Variants in CCDC91 observed in about 807,000 individuals in gnomAD.
The protein encoded by CCDC91 is coiled-coil domain-containing protein 91.
Under a neutral mutation model 63.2 loss-of-function variants are expected in CCDC91, and 48 were observed. The ratio of observed to expected loss-of-function variants is 0.76; its 90% CI spans 0.60 to 0.97. The LOEUF (loss-of-function observed/expected upper bound fraction) is 0.97. Ranked by LOEUF, CCDC91 falls within the 50% of genes least tolerant of loss-of-function variation. The pLI is 0.00. For synonymous variants in CCDC91, 167 were observed against 165.8 expected (o/e 1.01, Z -0.06); for missense variants, 500 against 494.6 (o/e 1.01, Z -0.10).
intron 8 of CCDC91, among the ~76,000 whole-genome samples, chr12:28,442,985 G>A (rs1245246560): frequency 6.6e-6 from 1 of 151,914 alleles, no homozygotes; most frequent in Non-Finnish European, 1.5e-5. Context: ...GCTTTTATGA[G>A]GTAACATTGT....
chr12:28,496,931 CATATATATATACATATATAT>C (rs1334393078), intron 12 of CCDC91, among the ~76,000 whole-genome samples: 4 of 141,456 alleles, frequency 2.8e-5, no homozygotes, highest in African/African-American at 5.2e-5. Flanking sequence ...TATATATATA[CATATATATATACATATATAT>C]ATATATATAT....
chr12:28,326,476 T>C (rs1014830933), intron 6 of CCDC91, among the ~76,000 whole-genome samples: 9 of 151,420 alleles, frequency 5.9e-5, no homozygotes, highest in African/African-American at 1.9e-4. Flanking sequence ...TGTATACATG[T>C]GCCATGCTGG....
intron 1 of CCDC91, among the ~76,000 whole-genome samples, chr12:28,221,739 C>T (rs930352796): frequency 2.0e-5 from 3 of 152,206 alleles, no homozygotes; most frequent in African/African-American, 7.2e-5. Flanking sequence ...TATGTGTGAA[C>T]TCCAGATAAT....
At chr12:28,478,768 G>C (rs1223307412) in intron 11 of CCDC91, among the ~76,000 whole-genome samples, 2 of 151,704 alleles carry the variant, frequency 1.3e-5, no homozygotes, top group Non-Finnish European at 2.9e-5. Context: ...ATTTACAAGA[G>C]AAAATCAAAC....
intron 11 of CCDC91, among the ~76,000 whole-genome samples, chr12:28,465,879 G>A (rs1311728134): frequency 6.6e-6 from 1 of 152,100 alleles, no homozygotes; most frequent in Non-Finnish European, 1.5e-5. Flanking sequence ...CTTTCAGACA[G>A]GGAATTCAAA....
chr12:28,459,317 A>G (rs565119892), intron 11 of CCDC91, among the ~76,000 whole-genome samples: 10 of 152,260 alleles, frequency 6.6e-5, no homozygotes, highest in African/African-American at 2.4e-4. Context: ...ACCTGTTTCT[A>G]TGTCTTCTCC....
At chr12:28,486,154 C>G (rs1171510095) in intron 12 of CCDC91, among the ~76,000 whole-genome samples, 1 of 152,136 alleles carries the variant, frequency 6.6e-6, no homozygotes, top group African/African-American at 2.4e-5. Flanking sequence ...CTAACCCAAT[C>G]CCCTGGTATC....
intron 3 of CCDC91, among the ~76,000 whole-genome samples, chr12:28,293,418 A>C (rs1949364254): frequency 6.6e-6 from 1 of 152,204 alleles, no homozygotes; most frequent in Non-Finnish European, 1.5e-5. Flanking sequence ...GGGACTTTAA[A>C]GTAGTTTTGT....
intron 8 of CCDC91, among the ~76,000 whole-genome samples, chr12:28,397,810 G>A (rs1366372443): frequency 6.6e-6 from 1 of 151,984 alleles, no homozygotes; most frequent in Admixed American, 6.5e-5. Flanking sequence ...ACATAAGATA[G>A]AGACACTATC....
chr12:28,377,685 G>T (rs1183046802), intron 7 of CCDC91, among the ~76,000 whole-genome samples: 1 of 151,358 alleles, frequency 6.6e-6, no homozygotes, highest in Non-Finnish European at 1.5e-5. Context: ...CTGGTATTTT[G>T]TTTGCATGCA....
At chr12:28,198,083 A>G (rs1249871122) in intron 1 of CCDC91, among the ~76,000 whole-genome samples, 1 of 152,154 alleles carries the variant, frequency 6.6e-6, no homozygotes, top group Non-Finnish European at 1.5e-5. Flanking sequence ...TTCAACATGG[A>G]CTATGTGAAT....
chr12:28,461,019 A>G (rs1029531216), intron 11 of CCDC91, among the ~76,000 whole-genome samples: 2 of 152,010 alleles, frequency 1.3e-5, no homozygotes, highest in Non-Finnish European at 2.9e-5. Flanking sequence ...TTATTTAGGT[A>G]TAGTCTGTTG....
At chr12:28,476,295 A>C (rs1951087262) in intron 11 of CCDC91, among the ~76,000 whole-genome samples, 1 of 152,146 alleles carries the variant, frequency 6.6e-6, no homozygotes. Flanking sequence ...AGTGCAATCA[A>C]ACTAGAACTC....
chr12:28,355,532 G>T (rs190991728), intron 6 of CCDC91, among the ~76,000 whole-genome samples: 3 of 152,244 alleles, frequency 2.0e-5, no homozygotes, highest in African/African-American at 4.8e-5. Context: ...CATCTTCAGG[G>T]TGATGAATTT....
intron 11 of CCDC91, among the ~76,000 whole-genome samples, chr12:28,476,214 T>C (rs973166851): frequency 2.6e-5 from 4 of 152,060 alleles, no homozygotes; most frequent in African/African-American, 9.7e-5. Flanking sequence ...ATTGACCACA[T>C]AGTTGGAAGT....
chr12:28,353,444 T>C (rs763282445), intron 6 of CCDC91, among the ~76,000 whole-genome samples: 16 of 152,222 alleles, frequency 1.1e-4, no homozygotes, highest in Non-Finnish European at 2.1e-4. Context: ...TTTTGGCTGC[T>C]CTCAGCTTTT....
intron 12 of CCDC91, among the ~76,000 whole-genome samples, chr12:28,540,279 G>C (rs1942533566): frequency 6.6e-6 from 1 of 152,098 alleles, no homozygotes; most frequent in African/African-American, 2.4e-5. Context: ...TAATGTGCCA[G>C]GCTTTTTTAA....
At chr12:28,394,731 T>TCTCTCTCTCTCTCTCTCTCTCC (rs986241946) in intron 8 of CCDC91, among the ~76,000 whole-genome samples, 3 of 151,476 alleles carry the variant, frequency 2.0e-5, no homozygotes, top group Non-Finnish European at 4.4e-5. Flanking sequence ...TCTCTCTCTC[T>TCTCTCTCTCTCTCTCTCTCTCC]CCCCCTTTTT....
intron 12 of CCDC91, among the ~76,000 whole-genome samples, chr12:28,491,770 GC>G (rs1329028370): frequency 6.6e-6 from 1 of 151,528 alleles, no homozygotes; most frequent in African/African-American, 2.4e-5. Flanking sequence ...GGCTCATAAA[GC>G]TCAGATTATT....
Sources: gnomAD v4.1 joint callset for allele counts (sites outside exome capture counted in the v4.1 genomes callset) on GRCh38, gnomAD v4.1.1 for gene constraint, MANE v1.5 for transcripts, NCBI Gene and HGNC (gene_info 2026-07-23, HGNC 2026-07-21) for gene names.